Variants in CSMD1 observed in about 807,000 individuals in gnomAD.
CSMD1 encodes CUB and sushi domain-containing protein 1.
CSMD1 carries 213 observed loss-of-function variants against 417.5 expected under a neutral mutation model. The observed-to-expected ratio is 0.51, with a 90% CI of 0.46 to 0.57. The LOEUF is 0.57. Ranked by LOEUF, CSMD1 falls within the 20% of genes least tolerant of loss-of-function variation. The pLI is 0.00. For missense variants in CSMD1, 6,923 were observed against 4,529.7 expected (o/e 1.53, Z -15.17); for synonymous variants, 2,862 against 1,736.8 (o/e 1.65, Z -16.11).
At chr8:3,840,635 A>G (rs2129093868) in intron 5 of CSMD1, among the ~76,000 whole-genome samples, 1 of 151,974 alleles carries the variant, frequency 6.6e-6, no homozygotes, top group East Asian at 1.9e-4. Flanking sequence ...GTGTGTGTGC[A>G]CTTGCTAGTG....
chr8:4,056,689 C>T (rs1798710517), intron 3 of CSMD1, among the ~76,000 whole-genome samples: 1 of 151,990 alleles, frequency 6.6e-6, no homozygotes, highest in Non-Finnish European at 1.5e-5. Flanking sequence ...TCCCCACTCC[C>T]CCCACCCCAC....
intron 23 of CSMD1, among the ~76,000 whole-genome samples, chr8:3,323,447 C>T (rs557334423): frequency 6.6e-6 from 1 of 150,534 alleles, no homozygotes; most frequent in South Asian, 2.1e-4. Flanking sequence ...CCATTCTGAA[C>T]CCCTCTCTCT....
chr8:4,094,830 A>T (rs1800915435), intron 3 of CSMD1, among the ~76,000 whole-genome samples: 1 of 152,196 alleles, frequency 6.6e-6, no homozygotes, highest in South Asian at 2.1e-4. Context: ...CTTATCAAGG[A>T]AATAAAGGTG....
At chr8:4,877,278 G>A (rs1444327653) in intron 1 of CSMD1, among the ~76,000 whole-genome samples, 1 of 151,920 alleles carries the variant, frequency 6.6e-6, no homozygotes, top group African/African-American at 2.4e-5. Context: ...CCAGTATTTT[G>A]ACTATTACAG....
At chr8:3,716,858 T>A (rs1801871529) in intron 6 of CSMD1, among the ~76,000 whole-genome samples, 10 of 151,278 alleles carry the variant, frequency 6.6e-5, no homozygotes, top group Admixed American at 6.6e-4. Context: ...ATCATCGGAA[T>A]TATCAAGAGT....
intron 3 of CSMD1, among the ~76,000 whole-genome samples, chr8:4,107,658 A>C (rs913761167): frequency 6.6e-6 from 1 of 152,170 alleles, no homozygotes; most frequent in Non-Finnish European, 1.5e-5. Flanking sequence ...GCTCATTTGA[A>C]GTACAATCCA....
intron 1 of CSMD1, among the ~76,000 whole-genome samples, chr8:4,927,954 C>A (rs73510052): frequency 0.013 from 1,950 of 152,276 alleles, 25 homozygotes; most frequent in African/African-American, 0.034. Context: ...CACTACATCT[C>A]CAGTGATTCT....
chr8:3,783,127 T>A (rs1799268940), intron 5 of CSMD1, among the ~76,000 whole-genome samples: 1 of 152,064 alleles, frequency 6.6e-6, no homozygotes, highest in Admixed American at 6.5e-5. Flanking sequence ...TCGGGATTTA[T>A]CCAGAAGGAG....
At chr8:3,164,495 C>G (rs1585527192) in intron 37 of CSMD1, among the ~76,000 whole-genome samples, 1 of 152,256 alleles carries the variant, frequency 6.6e-6, no homozygotes, top group East Asian at 1.9e-4. Context: ...AGTCTAAAAT[C>G]TTTTGTTTTA....
chr8:3,193,928 GA>G, intron 33 of CSMD1, among the ~76,000 whole-genome samples: 2 of 152,144 alleles, frequency 1.3e-5, no homozygotes, highest in Non-Finnish European at 2.9e-5. Flanking sequence ...CAGTTGATGT[GA>G]AAACCACAAC....
intron 47 of CSMD1, among the ~76,000 whole-genome samples, chr8:3,093,688 T>C (rs1815106464): frequency 6.6e-6 from 1 of 151,382 alleles, no homozygotes; most frequent in African/African-American, 2.4e-5. Flanking sequence ...AAAATTCTGT[T>C]GAAGCCACTC....
At chr8:3,965,677 G>A (rs986174904) in intron 5 of CSMD1, among the ~76,000 whole-genome samples, 3 of 151,968 alleles carry the variant, frequency 2.0e-5, no homozygotes, top group African/African-American at 7.3e-5. Flanking sequence ...GAGTGCAATG[G>A]TGCCATCTCA....
intron 5 of CSMD1, among the ~76,000 whole-genome samples, chr8:3,761,513 T>C (rs1797999378): frequency 1.4e-5 from 2 of 147,636 alleles, no homozygotes; most frequent in African/African-American, 2.5e-5. Context: ...TTTTTTTTTT[T>C]TTTTTTTTTT....
At chr8:3,970,913 C>A (rs1184165060) in intron 5 of CSMD1, among the ~76,000 whole-genome samples, 2 of 151,996 alleles carry the variant, frequency 1.3e-5, no homozygotes, top group South Asian at 4.2e-4. Context: ...CACCATGCTC[C>A]GCTAATTTTG....
intron 7 of CSMD1, among the ~76,000 whole-genome samples, chr8:3,677,986 C>G (rs754857500): frequency 5.3e-5 from 8 of 152,244 alleles, no homozygotes; most frequent in African/African-American, 1.4e-4. Flanking sequence ...CAGGGACTCA[C>G]AGCCTCCATC....
intron 7 of CSMD1, among the ~76,000 whole-genome samples, chr8:3,677,409 T>C (rs769106072): frequency 5.9e-5 from 9 of 152,108 alleles, no homozygotes; most frequent in Non-Finnish European, 1.0e-4. Context: ...TCAAGGCCAA[T>C]GCATGGGAAA....
chr8:3,082,221 C>T (rs1419744469), intron 49 of CSMD1, among the ~76,000 whole-genome samples: 1 of 152,180 alleles, frequency 6.6e-6, no homozygotes, highest in East Asian at 1.9e-4. Context: ...AGGATGCGTG[C>T]CAATCATTCA....
chr8:4,667,828 A>C (rs562528979), intron 1 of CSMD1, among the ~76,000 whole-genome samples: 1 of 152,124 alleles, frequency 6.6e-6, no homozygotes, highest in East Asian at 1.9e-4. Flanking sequence ...TTATCCTTCC[A>C]ATTTGTAAAC....
At chr8:4,601,305 G>A (rs370872104) in intron 2 of CSMD1, among the ~76,000 whole-genome samples, 79 of 152,274 alleles carry the variant, frequency 5.2e-4, no homozygotes, top group East Asian at 2.5e-3. Flanking sequence ...GAGTGACAGC[G>A]AAGCAAAAGT....
Sources: gnomAD v4.1 joint callset for allele counts (sites outside exome capture counted in the v4.1 genomes callset) on GRCh38, gnomAD v4.1.1 for gene constraint, MANE v1.5 for transcripts, NCBI Gene and HGNC (gene_info 2026-07-23, HGNC 2026-07-21) for gene names.